The following GBP5 variants were observed in gnomAD, a reference collection of about 807,000 sequenced individuals.
GBP5 encodes the protein guanylate-binding protein 5.
In GBP5, 48 loss-of-function variants were observed where a neutral mutation model predicts 58.2. The observed-to-expected ratio is 0.83, with a 90% confidence interval of 0.65 to 1.05. The LOEUF (loss-of-function observed/expected upper bound fraction) is 1.05, where lower values mean the gene tolerates loss of function less well. Ranked by LOEUF, GBP5 falls within the 50% of genes least tolerant of loss-of-function variation. The pLI is 0.00. For synonymous variants in GBP5, 248 were observed against 251.8 expected (o/e 0.98, Z 0.14); for missense variants, 714 against 686.8 (o/e 1.04, Z -0.44).
intron 7 of GBP5, among the ~76,000 whole-genome samples, chr1:89,266,098 G>C (rs1206782310): frequency 1.3e-5 from 2 of 152,184 alleles, no homozygotes; most frequent in African/African-American, 4.8e-5. Context: ...GATTAATCCA[G>C]TTCAACAGAT....
At chr1:89,269,747 TA>T in intron 2 of GBP5, 173 bp from the exon 3 acceptor site, 1 of 475,278 alleles carries the variant, frequency 2.1e-6, no homozygotes, top group African/African-American at 1.9e-5. Flanking sequence ...GACTTTATTT[TA>T]AAACAAAAGT....
At chr1:89,271,445 G>C (rs776502311) in intron 1 of GBP5, 1 of 145,780 alleles carries the variant, frequency 6.9e-6, no homozygotes, top group Non-Finnish European at 1.5e-5. Flanking sequence ...CGAGCTGCAG[G>C]AGATTTTAAA....
intron 7 of GBP5, among the ~76,000 whole-genome samples, chr1:89,265,283 T>G: frequency 6.6e-6 from 1 of 152,136 alleles, no homozygotes; most frequent in South Asian, 2.1e-4. Context: ...CATATTCATT[T>G]GACTACAATG....
intron 7 of GBP5, among the ~76,000 whole-genome samples, chr1:89,265,929 G>C (rs1465699191): frequency 6.6e-6 from 1 of 152,052 alleles, no homozygotes; most frequent in Non-Finnish European, 1.5e-5. Context: ...ATTTCATTTA[G>C]GGTTTTAGAC....
intron 1 of GBP5, 107 bp from the exon 2 acceptor site, chr1:89,270,969 C>CT (rs1302480660): frequency 6.6e-6 from 1 of 152,216 alleles, no homozygotes; most frequent in African/African-American, 2.4e-5. Context: ...ATGAATGTGT[C>CT]TGAGTGTTCA....
chr1:89,272,673 C>T lies in GBP5; in HGVS notation c.-349G>A, dbSNP rs1457708948. ...GTGAGTGTTACAGCTCTTAAGGCTG[C>T]GCGTCTGGAGTTGTTTGTTCCTCCT... is the stretch of plus-strand genomic sequence containing the variant. On this transcript the variant is annotated 5_prime_UTR_variant, in exon 1 of 12. Coordinates refer to ENST00000370459, the MANE Select transcript of GBP5 (RefSeq NM_052942.5). 4.5e-5 allele frequency: 7 copies of T among 154,686 alleles called. No individual in the cohort carries two copies. The highest frequency in any genetic ancestry group is 3.8e-4 in the East Asian group (2 of 5,276). 9.6% of individuals were successfully genotyped at this position (154,686 alleles called of 1,614,324 possible).
intron 4 of GBP5, among the ~76,000 whole-genome samples, chr1:89,268,357 T>A (rs1470060933): frequency 6.6e-6 from 1 of 152,228 alleles, no homozygotes; most frequent in African/African-American, 2.4e-5. Flanking sequence ...CTTACTTCTC[T>A]TATCAAAGTC....
At chr1:89,271,356 T>C (rs1039546653) in intron 1 of GBP5, 2 of 152,186 alleles carry the variant, frequency 1.3e-5, no homozygotes. Context: ...TCTTTCAGCT[T>C]GTTTTCTAAA....
At chr1:89,268,571 GT>G (rs2100597393) in intron 4 of GBP5, among the ~76,000 whole-genome samples, 157 bp downstream of exon 4, 1 of 152,262 alleles carries the variant, frequency 6.6e-6, no homozygotes, top group African/African-American at 2.4e-5. Context: ...ATTTTCTCAT[GT>G]CAGGCTTCCA....
At chr1:89,269,344 G>C (rs751118105) in intron 3 of GBP5, 22 bp downstream of exon 3, 12 of 1,611,576 alleles carry the variant, frequency 7.4e-6, no homozygotes, top group South Asian at 2.2e-5. Flanking sequence ...GGGTTTGGCA[G>C]AGCTTTGCTG....
At chr1:89,264,548 A>T in intron 8 of GBP5, 138 bp downstream of exon 8, 1 of 742,714 alleles carries the variant, frequency 1.3e-6, no homozygotes, top group Non-Finnish European at 2.2e-6. Context: ...TGTTTTCAGA[A>T]TAAAAGTGGT....
intron 3 of GBP5, among the ~76,000 whole-genome samples, 195 bp from the exon 4 acceptor site, chr1:89,269,051 AT>A (rs921493527): frequency 3.3e-5 from 5 of 152,184 alleles, no homozygotes; most frequent in African/African-American, 1.2e-4. Flanking sequence ...TATTAAAAAA[AT>A]ATTATGCTAC....
Position 89,269,416 on chromosome 1 carries a change from T to C in GBP5, c.140A>G (p.Tyr47Cys), listed in dbSNP as rs376781906. Residue 47 changes from tyrosine (Y) to cysteine (C), a missense_variant, in exon 3 of 12, where the codon TAT (tyrosine) becomes TGT (cysteine). Transcript: ENST00000370459. ...PVVVVAIVGL[Y>C]RTGKSYLMNK... ...CATCAGGTAGGATTTGCCAGTGCGA[T>C]AGAGGCCCACAATCGCTACCACAAC... 3.1e-5 allele frequency: 50 copies of C among 1,614,052 alleles called. No individual in the cohort carries two copies. Among genetic ancestry groups the C allele is most frequent in the Admixed American group, 1.2e-4 (7 of 60,006 alleles).
Position 89,263,761 on chromosome 1 carries a change from T to A in GBP5, c.1337A>T (p.Tyr446Phe), listed in dbSNP as rs1001781034. The A allele has an allele frequency of 1.2e-6, 2 of 1,613,480 alleles. No individual in the cohort carries two copies. Among genetic ancestry groups the A allele is most frequent in the Admixed American group, 1.7e-5 (1 of 59,980 alleles). The change falls in exon 9 of 12, where the codon TAT becomes TTT. Residue 446 changes from tyrosine (Y) to phenylalanine (F), a missense_variant. Physicochemically the swap from Tyr to Phe is conservative, Grantham distance 22 (BLOSUM62 3). Coordinates refer to ENST00000370459, the MANE Select transcript of GBP5 (RefSeq NM_052942.5). ...QKTEELKAKYYREPRKGIQAE... is the reference protein window; with the variant it reads ...QKTEELKAKYFREPRKGIQAE... ...CTGTATTCCTTTCCGAGGCTCCCGA[T>A]AGTACTTTGCCTTCAGTTCTTCTGT...
At position 89,258,559 on chromosome 1, in the gene GBP5, T is replaced by C. The variant is rs1247647469; in HGVS notation, c.*2145A>G. Among the ~76,000 whole-genome samples the C allele has an allele frequency of 1.3e-5, 2 of 152,150 alleles. No individual in the cohort carries two copies. The highest frequency in any genetic ancestry group is 2.4e-5 in the African/African-American group (1 of 41,422). On this transcript the variant is annotated 3_prime_UTR_variant, in exon 12 of 12. Coordinates refer to ENST00000370459, the MANE Select transcript of GBP5 (RefSeq NM_052942.5). The stretch of plus-strand genomic sequence containing the variant: ...TACTGCTGAGTAGCACCACATCCTA[T>C]CTGATATGAAAAATTCCTCATATTA...
At chr1:89,262,195 G>C (rs778296702) in intron 11 of GBP5, 25 bp downstream of exon 11, 1 of 1,609,208 alleles carries the variant, frequency 6.2e-7, no homozygotes, top group Non-Finnish European at 8.5e-7. Context: ...ACAGGCAGGG[G>C]AGAGATGAAA....
At chr1:89,261,620 T>C (rs747363724) in intron 11 of GBP5, among the ~76,000 whole-genome samples, 6 of 152,234 alleles carry the variant, frequency 3.9e-5, no homozygotes, top group Non-Finnish European at 5.9e-5. Flanking sequence ...AGATAATGCA[T>C]GTAAAGTGCT....
At chr1:89,261,952 A>G (rs1650018190) in intron 11 of GBP5, 3 of 434,256 alleles carry the variant, frequency 6.9e-6, no homozygotes, top group Non-Finnish European at 1.2e-5. Flanking sequence ...AAACACAAAT[A>G]TTAACTCATT....
chr1:89,266,685 A>C, intron 6 of GBP5, 97 bp from the exon 7 acceptor site: 1 of 1,156,950 alleles, frequency 8.6e-7, no homozygotes. Context: ...TGTCACTTAG[A>C]TTAATATATC....
Sources: gnomAD v4.1 joint callset for allele counts (sites outside exome capture counted in the v4.1 genomes callset) on GRCh38, gnomAD v4.1.1 for gene constraint, MANE v1.5 for transcripts, NCBI Gene and HGNC (gene_info 2026-07-23, HGNC 2026-07-21) for gene names.